BCL2L12: variants seen among roughly 807,000 people sequenced by gnomAD.
The protein encoded by BCL2L12 is bcl-2-like protein 12.
BCL2L12 carries 27 observed loss-of-function variants against 25.7 expected under a neutral mutation model. The observed-to-expected ratio is 1.05, with a 90% CI of 0.78 to 1.45. BCL2L12 has a LOEUF of 1.45. Ranked by LOEUF, BCL2L12 falls within the 40% of genes most tolerant of loss-of-function variation. The pLI is 0.00. For missense variants in BCL2L12, 302 were observed against 329.8 expected, an observed-to-expected ratio of 0.92 and a Z score of 0.65; for synonymous variants, 132 against 145.6, an observed-to-expected ratio of 0.91 and a Z score of 0.67.
At chr19:49,665,744 A>G, upstream of BCL2L12, 1 of 1,515,306 alleles carries the variant, frequency 6.6e-7, no homozygotes, top group Non-Finnish European at 8.9e-7. Flanking sequence ...TGAGCTCTAG[A>G]GCGCTGGGGC....
rs114475214 is a variant in BCL2L12 at position 49,672,395 on chromosome 19, G to A, written c.703-1303G>A. ...GACAGATGAGAGGAGGAGAGGCGCC[G>A]GGCCAGCCAGGACCCTGTGGTCACG... On this transcript the variant is annotated intron_variant, in intron 6 of 6. Coordinates refer to ENST00000246784, the MANE Select transcript of BCL2L12 (RefSeq NM_138639.2). This position sits in a 1 kb window ranked among gnomAD's most constrained non-coding sequence, Gnocchi z 4.1. 4.0e-3 allele frequency among the ~76,000 whole-genome samples: 613 copies of A among 152,316 alleles called. 3 individuals are homozygous for A. Among genetic ancestry groups the A allele is most frequent in the Middle Eastern group, 0.017 (5 of 294 alleles).
At chr19:49,668,217 T>TC (rs2081867140) in intron 3 of BCL2L12, among the ~76,000 whole-genome samples, 1 of 150,454 alleles carries the variant, frequency 6.6e-6, no homozygotes, top group African/African-American at 2.4e-5. Context: ...TGCCTCAGCC[T>TC]CCCAAGTAGC....
upstream of BCL2L12, chr19:49,665,519 C>T (rs2081661631): frequency 6.6e-6 from 2 of 302,572 alleles, no homozygotes; most frequent in Non-Finnish European, 6.2e-6. Flanking sequence ...TTCCTTGCTC[C>T]ACTTTCCCCA....
chr19:49,671,630 C>G (rs1316689137), intron 6 of BCL2L12, among the ~76,000 whole-genome samples: 1 of 151,974 alleles, frequency 6.6e-6, no homozygotes, highest in African/African-American at 2.4e-5. Flanking sequence ...AGAGTGGGAC[C>G]CTGTCTCAAA....
chr19:49,665,602 C>T (rs2081677390), upstream of BCL2L12: 28 of 573,768 alleles, frequency 4.9e-5, 1 homozygote, highest in South Asian at 6.1e-4. Context: ...CGGACGCCAC[C>T]AACGCTCTCC....
chr19:49,666,458 C>A (rs1206041677), intron 1 of BCL2L12, among the ~76,000 whole-genome samples: 2 of 152,122 alleles, frequency 1.3e-5, no homozygotes, highest in East Asian at 3.9e-4. Context: ...TTTAGACCCA[C>A]GAATCTGGGC....
intron 5 of BCL2L12, 91 bp downstream of exon 5, chr19:49,669,206 G>C (rs2081897300): frequency 6.5e-7 from 1 of 1,543,020 alleles, no homozygotes; most frequent in South Asian, 1.2e-5. Context: ...ATTTTCTTTG[G>C]ATGGTCAGGT....
In BCL2L12 at chr19:49,670,231, G is replaced by A. The variant is rs1237153149; in HGVS notation, c.445G>A (p.Ala149Thr). ...CACCCTACAGCTGGCCTCGGACCCCGCCCTGCGCAGCAAGCTGGTCCGCCT... is the reference window on the plus strand; with the variant it reads ...CACCCTACAGCTGGCCTCGGACCCCACCCTGCGCAGCAAGCTGGTCCGCCT... ...VINQKLASDPALRSKLVRLSS... is the reference protein window; with the variant it reads ...VINQKLASDPTLRSKLVRLSS... The change falls in exon 6 of 7, where the codon GCC (alanine) becomes ACC (threonine). Residue 149 changes from alanine to threonine, a missense_variant. Ala to Thr is a moderately conservative substitution (Grantham distance 58). Coordinates refer to ENST00000246784, the MANE Select transcript of BCL2L12 (RefSeq NM_138639.2). The A allele has an allele frequency of 6.2e-7, 1 of 1,606,810 alleles. No individual in the cohort carries two copies.
upstream of BCL2L12, chr19:49,665,602 C>CA (rs1811321877): frequency 1.7e-6 from 1 of 573,768 alleles, no homozygotes; most frequent in Non-Finnish European, 3.0e-6. Flanking sequence ...CGGACGCCAC[C>CA]AACGCTCTCC....
chr19:49,665,963 G>A lies in BCL2L12; in HGVS notation c.-113G>A, dbSNP rs2060263. On this transcript the variant is annotated 5_prime_UTR_variant, in exon 1 of 7. Transcript: ENST00000246784. ...CTACGCTGGGCCGGTTATCGACCCG[G>A]CCCAGTGCGCAGGCGCGGGAAAGTT... is the stretch of plus-strand genomic sequence containing the variant. The A allele has an allele frequency of 1.2e-6, 2 of 1,613,260 alleles. No homozygotes were observed. Among genetic ancestry groups the A allele is most frequent in the East Asian group, 2.2e-5 (1 of 44,870 alleles).
chr19:49,665,896 C>T, upstream of BCL2L12: 1 of 1,612,840 alleles, frequency 6.2e-7, no homozygotes, highest in Non-Finnish European at 8.5e-7. Context: ...ATGCTGGGAG[C>T]GTCACATGCA....
In BCL2L12 at chr19:49,670,301, G is replaced by C. The variant is rs531871675; in HGVS notation, c.515G>C (p.Arg172Pro). The change falls in exon 6 of 7, where the codon CGG becomes CCG. Residue 172 changes from arginine to proline, a missense_variant. Coordinates refer to ENST00000246784, the MANE Select transcript of BCL2L12 (RefSeq NM_138639.2). ...CGCCTGGTGGAGCTGTTCTGTAGCC[G>C]GGATGACAGCTCTCGCCCAAGCCGA... The part of the protein sequence containing the change: ...FARLVELFCS[R>P]DDSSRPSRAC... 6.2e-7 allele frequency: 1 copy of C among 1,610,272 alleles called. No individual in the cohort carries two copies. The highest frequency in any genetic ancestry group is 1.7e-5 in the Admixed American group (1 of 59,806).
upstream of BCL2L12, chr19:49,665,716 A>G: frequency 7.0e-7 from 1 of 1,423,294 alleles, no homozygotes; most frequent in Non-Finnish European, 9.4e-7. Context: ...GAGGCTGCGC[A>G]CCCCCTTTCC....
intron 6 of BCL2L12, among the ~76,000 whole-genome samples, 176 bp downstream of exon 6, chr19:49,670,664 A>G (rs972107132): frequency 1.3e-5 from 2 of 152,200 alleles, no homozygotes; most frequent in Non-Finnish European, 2.9e-5. Flanking sequence ...TGCAGACACT[A>G]TGCCTGGCGT....
chr19:49,670,287 G>A lies in BCL2L12; in HGVS notation c.501G>A (p.Glu167=), dbSNP rs2081930339. The A allele has an allele frequency of 6.2e-7, 1 of 1,611,118 alleles. No individual in the cohort carries two copies. The highest frequency in any genetic ancestry group is 1.3e-5 in the African/African-American group (1 of 74,858). ...LSSDSFARLV[E]LFCSRDDSSR... ...CCGACTCTTTCGCCCGCCTGGTGGA[G>A]CTGTTCTGTAGCCGGGATGACAGCT... is the stretch of plus-strand genomic sequence containing the variant. Residue 167 remains glutamate (E), a synonymous_variant, in exon 6 of 7, where the codon GAG becomes GAA. Transcript: ENST00000246784.
rs776765121 is a variant in BCL2L12 at position 49,670,447 on chromosome 19, G to A, written c.661G>A (p.Val221Met). ...CCTGGCCGGACTCAGCGTGGAGCAC[G>A]TGCACAGCTTCACGCCCTGGATCCA... The part of the protein sequence containing the change: ...GTLAGLSVEH[V>M]HSFTPWIQAH... Residue 221 changes from valine (V) to methionine (M), a missense_variant, in exon 6 of 7, where the codon GTG (valine) becomes ATG (methionine). By Grantham distance (21) the Val-to-Met change is conservative. Transcript: ENST00000246784. 14 of 1,539,250 alleles carry A rather than the reference G, an allele frequency of 9.1e-6. No individual in the cohort carries two copies. Among genetic ancestry groups the A allele is most frequent in the Non-Finnish European group, 1.2e-5 (14 of 1,145,962 alleles).
intron 5 of BCL2L12, among the ~76,000 whole-genome samples, chr19:49,669,941 A>G (rs2081918341): frequency 6.6e-6 from 1 of 152,162 alleles, no homozygotes; most frequent in South Asian, 2.1e-4. Flanking sequence ...CACCAGGGGC[A>G]TGGCTAGATT....
intron 3 of BCL2L12, among the ~76,000 whole-genome samples, chr19:49,668,441 T>C (rs1233466154): frequency 6.6e-6 from 1 of 152,068 alleles, no homozygotes; most frequent in Non-Finnish European, 1.5e-5. Context: ...TCTCATAAAG[T>C]GAAAAGTACA....
Position 49,673,763 on chromosome 19 carries a change from G to A in BCL2L12, c.*15G>A. 6.2e-7 allele frequency: 1 copy of A among 1,614,032 alleles called. No homozygotes were observed. Among genetic ancestry groups the A allele is most frequent in the Non-Finnish European group, 8.5e-7 (1 of 1,179,904 alleles). ...CATTGGACTGAGCTCTTTCTCAGAA[G>A]CTGCTACAAGATGACACCTCATGTC... On this transcript the variant is annotated 3_prime_UTR_variant, in exon 7 of 7. Coordinates refer to ENST00000246784, the MANE Select transcript of BCL2L12 (RefSeq NM_138639.2).
Sources: allele counts gnomAD v4.1 joint callset (sites outside exome capture counted in the v4.1 genomes callset), GRCh38; gene constraint gnomAD v4.1.1; non-coding constraint Gnocchi (gnomAD v3.1); transcripts MANE v1.5; gene names NCBI Gene and HGNC (gene_info 2026-07-23, HGNC 2026-07-21).